The following AFF3 variants were observed in gnomAD, a reference collection of about 807,000 sequenced individuals.
The protein encoded by AFF3 is AF4/FMR2 family member 3.
In AFF3, 32 loss-of-function variants were observed where a neutral mutation model predicts 129.7. That is an observed-to-expected ratio of 0.25 (90% CI 0.19 to 0.33). The LOEUF is 0.33. Among genes scored for constraint, AFF3 ranks in the 10% least tolerant of loss-of-function variants. The probability of loss-of-function intolerance (pLI) is 1.00; values close to 1 mark genes in which losing one functional copy is unlikely to be tolerated. For synonymous variants in AFF3, 644 were observed against 635.4 expected, an observed-to-expected ratio of 1.01 and a Z score of -0.20; for missense variants, 1,373 against 1,592.0, an observed-to-expected ratio of 0.86 and a Z score of 2.34.
intron 7 of AFF3, among the ~76,000 whole-genome samples, chr2:99,898,708 A>G (rs1694151582): frequency 6.6e-6 from 1 of 152,174 alleles, no homozygotes; most frequent in Non-Finnish European, 1.5e-5. Context: ...TTCCCCAGGA[A>G]GCCTCTTGCG....
intron 13 of AFF3, among the ~76,000 whole-genome samples, chr2:99,622,252 C>G (rs1242773888): frequency 6.6e-6 from 1 of 152,110 alleles, no homozygotes; most frequent in Non-Finnish European, 1.5e-5. Context: ...AGGCTGTGCC[C>G]CCAGAGGACC....
rs1306488485 is a variant in AFF3 at position 99,672,601 on chromosome 2, AACAAAGAGGT to A, written c.1092-22_1092-13del. Reference sequence around the variant, plus strand: ...CATCTTCCAGCATTCTGAAAGAAGGAACAAAGAGGTACAAAGAGGTACAGATAGTTAGTGG... The same window carrying A: ...CATCTTCCAGCATTCTGAAAGAAGGAACAAAGAGGTACAGATAGTTAGTGG... On this transcript the variant is annotated splice_polypyrimidine_tract_variant and intron_variant, in intron 11 of 24. Coordinates refer to ENST00000672756, the MANE Select transcript of AFF3 (RefSeq NM_001386135.1). The A allele has an allele frequency of 6.8e-6, 11 of 1,613,778 alleles. No homozygotes were observed. The highest frequency in any genetic ancestry group is 5.5e-5 in the South Asian group (5 of 91,066).
chr2:100,055,911 C>T (rs1487199250), intron 4 of AFF3, among the ~76,000 whole-genome samples: 1 of 152,042 alleles, frequency 6.6e-6, no homozygotes, highest in African/African-American at 2.4e-5. Context: ...GTGGCTCACA[C>T]CTGTAATCCC....
intron 7 of AFF3, among the ~76,000 whole-genome samples, chr2:99,902,461 GTCATC>G (rs1207461094): frequency 6.6e-6 from 1 of 152,116 alleles, no homozygotes; most frequent in Non-Finnish European, 1.5e-5. Flanking sequence ...GAATTCAACT[GTCATC>G]TCAACTCAAT....
chr2:100,035,978 G>A (rs1684860160), intron 4 of AFF3, among the ~76,000 whole-genome samples: 2 of 151,942 alleles, frequency 1.3e-5, no homozygotes, highest in African/African-American at 2.4e-5. Flanking sequence ...GCTACTTCAA[G>A]GAATATGGCC....
At chr2:100,004,320 G>C (rs568351872) in intron 7 of AFF3, among the ~76,000 whole-genome samples, 24 of 152,098 alleles carry the variant, frequency 1.6e-4, no homozygotes, top group African/African-American at 5.8e-4. Flanking sequence ...AAAAATATTG[G>C]CATGAATATT....
intron 13 of AFF3, among the ~76,000 whole-genome samples, chr2:99,618,083 C>T (rs1174022860): frequency 6.6e-6 from 1 of 152,174 alleles, no homozygotes; most frequent in Middle Eastern, 3.2e-3. Flanking sequence ...TTTACTGCCT[C>T]TGCTCGCTGG....
intron 7 of AFF3, among the ~76,000 whole-genome samples, chr2:99,866,997 T>C (rs1378798089): frequency 8.9e-6 from 1 of 112,286 alleles, no homozygotes; most frequent in East Asian, 2.7e-4. Flanking sequence ...ATAATAATAA[T>C]AATAAAAAAT....
At chr2:99,558,184 G>C (rs548355980) in intron 22 of AFF3, among the ~76,000 whole-genome samples, 7 of 152,306 alleles carry the variant, frequency 4.6e-5, no homozygotes, top group African/African-American at 1.7e-4. Context: ...CTAGAGACTG[G>C]CTAAGAGGGA....
chr2:99,609,812 T>C (rs1680744270), intron 13 of AFF3, among the ~76,000 whole-genome samples: 1 of 152,184 alleles, frequency 6.6e-6, no homozygotes, highest in Non-Finnish European at 1.5e-5. Context: ...TGGCACAATA[T>C]ACAGTTCCTT....
intron 4 of AFF3, among the ~76,000 whole-genome samples, chr2:100,075,861 T>C (rs1462053257): frequency 2.0e-5 from 3 of 152,164 alleles, no homozygotes; most frequent in East Asian, 1.9e-4. Flanking sequence ...TTTGGAGGCA[T>C]AGTGCTGTCC....
At chr2:99,758,304 G>A (rs867243610) in intron 8 of AFF3, among the ~76,000 whole-genome samples, 6 of 152,144 alleles carry the variant, frequency 3.9e-5, no homozygotes, top group South Asian at 2.1e-4. Context: ...ACATGCGGTC[G>A]GGCAGAGTGG....
chr2:99,831,536 G>T (rs925243935), intron 8 of AFF3, among the ~76,000 whole-genome samples: 6 of 152,106 alleles, frequency 3.9e-5, no homozygotes, highest in African/African-American at 1.4e-4. Context: ...ACATTTGAAG[G>T]TACTGATAGA....
chr2:99,673,899 T>C (rs1012671359), intron 11 of AFF3, among the ~76,000 whole-genome samples: 1 of 152,304 alleles, frequency 6.6e-6, no homozygotes, highest in African/African-American at 2.4e-5. Context: ...CCTGACCCCA[T>C]TTCCCTATTT....
intron 7 of AFF3, among the ~76,000 whole-genome samples, chr2:99,993,044 T>G: frequency 6.6e-6 from 1 of 152,242 alleles, no homozygotes; most frequent in East Asian, 1.9e-4. Context: ...TGGACCATCT[T>G]GGATCATGTG....
At chr2:99,602,041 T>C (rs1039504322) in intron 13 of AFF3, among the ~76,000 whole-genome samples, 1 of 152,254 alleles carries the variant, frequency 6.6e-6, no homozygotes, top group Non-Finnish European at 1.5e-5. Context: ...ATGACTGCTT[T>C]ATTTTTGCCC....
At chr2:99,810,385 T>C (rs146515506) in intron 8 of AFF3, among the ~76,000 whole-genome samples, 1 of 152,358 alleles carries the variant, frequency 6.6e-6, no homozygotes, top group East Asian at 1.9e-4. Context: ...CAACACTTAC[T>C]GTGTCAGGCA....
rs1479128478 is a variant in AFF3 at position 100,006,890 on chromosome 2, C to G, written c.615G>C (p.Lys205Asn). The G allele has an allele frequency of 1.2e-6, 2 of 1,614,168 alleles. No homozygotes were observed. Among genetic ancestry groups the G allele is most frequent in the East Asian group, 4.5e-5 (2 of 44,876 alleles). ...TQERPPAMAA[K>N]HSSSGHCVQN... is the part of the protein sequence containing the mutation. ...GAACACAGTGTCCGCTGCTGCTGTGCTTGGCCGCCATGGCAGGTGGCCTCT... is the reference window on the plus strand; with the variant it reads ...GAACACAGTGTCCGCTGCTGCTGTGGTTGGCCGCCATGGCAGGTGGCCTCT... Residue 205 changes from lysine to asparagine, a missense_variant, in exon 7 of 25, where the codon AAG becomes AAC. This residue lies in a region of AFF3 where 255 missense variants were observed against 256.0 expected (regional missense o/e 1.00). Coordinates refer to ENST00000672756, the MANE Select transcript of AFF3 (RefSeq NM_001386135.1).
At chr2:99,989,098 C>T (rs1680119793) in intron 7 of AFF3, among the ~76,000 whole-genome samples, 1 of 152,156 alleles carries the variant, frequency 6.6e-6, no homozygotes, top group African/African-American at 2.4e-5. Context: ...GGAAGACTCT[C>T]CTTTAACTAA....
Sources: allele counts gnomAD v4.1 joint callset (sites outside exome capture counted in the v4.1 genomes callset), GRCh38; gene constraint gnomAD v4.1.1; regional missense constraint gnomAD v4.1.1; transcripts MANE v1.5; gene names NCBI Gene and HGNC (gene_info 2026-07-23, HGNC 2026-07-21).